The following RTEL1 variants were observed in gnomAD, a reference collection of about 807,000 sequenced individuals.
The protein encoded by RTEL1 is regulator of telomere elongation helicase 1.
RTEL1 carries 86 observed loss-of-function variants against 162.2 expected under a neutral mutation model. The observed-to-expected ratio is 0.53, with a 90% CI of 0.45 to 0.63. The LOEUF is 0.63. Among genes scored for constraint, RTEL1 ranks in the 30% least tolerant of loss-of-function variants. The pLI is 0.00. For synonymous variants in RTEL1, 958 were observed against 717.9 expected (o/e 1.33, Z -5.35); for missense variants, 1,941 against 1,750.2 (o/e 1.11, Z -1.95).
At position 63,693,124 on chromosome 20, in the gene RTEL1, G is replaced by A. The variant is rs367559336; in HGVS notation, c.2852-19G>A. ...AGAGAAAAAGGGGCAGATGGGGACA[G>A]ACGCCCCTTCCTCTACAGGCTTCTA... On this transcript the variant is annotated intron_variant, in intron 29 of 34. Transcript: ENST00000360203. The A allele has an allele frequency of 1.7e-5, 27 of 1,612,130 alleles. No individual in the cohort carries two copies. Among genetic ancestry groups the A allele is most frequent in the African/African-American group, 8.0e-5 (6 of 74,882 alleles).
At chr20:63,665,895 G>T (rs1467329785) in intron 6 of RTEL1, 109 bp from the exon 7 acceptor site, 2 of 973,624 alleles carry the variant, frequency 2.1e-6, no homozygotes, top group Non-Finnish European at 3.1e-6. Flanking sequence ...GGTGGGGGAC[G>T]CCCAGCCCTG....
At chr20:63,693,624 ACCACCT>A (rs2090870226) in intron 30 of RTEL1, among the ~76,000 whole-genome samples, 27 of 22,338 alleles carry the variant, frequency 1.2e-3, no homozygotes, top group East Asian at 0.012. Flanking sequence ...CACCTCCACC[ACCACCT>A]CCACCACCAC....
At chr20:63,681,183 T>C (rs2146221888) in intron 14 of RTEL1, 1 of 985,434 alleles carries the variant, frequency 1.0e-6, no homozygotes, top group Non-Finnish European at 1.2e-6. Flanking sequence ...GGTGCGACCC[T>C]GGCCCCCTTC....
At chr20:63,681,925 T>C (rs1401882265) in intron 14 of RTEL1, 1 of 985,306 alleles carries the variant, frequency 1.0e-6, no homozygotes, top group Non-Finnish European at 1.2e-6. Flanking sequence ...GCTGCTGTGC[T>C]GTCCCGCATG....
Position 63,694,917 on chromosome 20 carries a change from C to A in RTEL1, c.3286C>A (p.Leu1096Met). The change falls in exon 32 of 35, where the codon CTG (leucine) becomes ATG (methionine). Residue 1096 changes from leucine to methionine, a missense_variant. Leu to Met is a conservative substitution (Grantham distance 15). Transcript: ENST00000360203. ...YKQDDDLDKVLAVLAALTTAK... is the reference protein window; with the variant it reads ...YKQDDDLDKVMAVLAALTTAK... ...GCAAGACGACGACCTCGACAAGGTG[C>A]TGGCTGTGTTGGCCGCCCTGACCAC... 1 of 1,612,640 alleles carries A rather than the reference C, an allele frequency of 6.2e-7. No individual in the cohort carries two copies. Among genetic ancestry groups the A allele is most frequent in the South Asian group, 1.1e-5 (1 of 91,088 alleles).
intron 16 of RTEL1, chr20:63,686,114 GGCAGAGCC>G: frequency 1.7e-6 from 1 of 575,424 alleles, no homozygotes; most frequent in African/African-American, 1.9e-5. Context: ...GGTTGGTGGT[GGCAGAGCC>G]ACAGCCCAGC....
intron 30 of RTEL1, among the ~76,000 whole-genome samples, 167 bp downstream of exon 30, chr20:63,693,450 A>ACCACCTCCACCACCTCCACCACCACCT (rs2090828169): frequency 1.2e-5 from 1 of 81,436 alleles, no homozygotes; most frequent in Admixed American, 1.3e-4. Context: ...CACCAGCAGC[A>ACCACCTCCACCACCTCCACCACCACCT]CCACCTCCAC....
rs1568719598 is a variant in RTEL1, at chr20:63,693,429, TCCACCACCAGCACCAGCAGCA to T, written c.2992+152_2992+172del. ...TATGGGAGTGATGGGGGCCTCCACC[TCCACCACCAGCACCAGCAGCA>T]CCACCTCCACCTCCACCTCCACCTC... is the stretch of plus-strand genomic sequence containing the variant. On this transcript the variant is annotated intron_variant, in intron 30 of 34. Transcript: ENST00000360203. 1.9e-5 allele frequency: 17 copies of T among 883,698 alleles called. No homozygotes were observed. The African/African-American group carries it at 2.1e-4, about 11-fold the overall frequency. The allele number at this position is 883,698 out of a possible 1,614,324, so 54.7% of individuals were successfully genotyped here. A position where few individuals can be genotyped will look rare whatever the true frequency, so the allele number is the denominator to read the frequency against.
At chr20:63,679,417 T>C (rs1164948563) in intron 12 of RTEL1, among the ~76,000 whole-genome samples, 1 of 152,134 alleles carries the variant, frequency 6.6e-6, no homozygotes, top group Non-Finnish European at 1.5e-5. Flanking sequence ...TTGGGGACTC[T>C]GCCCAGAGCC....
intron 10 of RTEL1, among the ~76,000 whole-genome samples, chr20:63,677,227 G>A (rs554272662): frequency 6.6e-5 from 10 of 152,210 alleles, no homozygotes; most frequent in African/African-American, 1.9e-4. Flanking sequence ...ATGCGGCAGC[G>A]GGTTGGTCAT....
At chr20:63,683,586 C>T (rs2090523509) in intron 14 of RTEL1, among the ~76,000 whole-genome samples, 1 of 152,220 alleles carries the variant, frequency 6.6e-6, no homozygotes. Flanking sequence ...GTGTCTGCCC[C>T]CCGGTGTTCT....
intron 12 of RTEL1, 130 bp from the exon 13 acceptor site, chr20:63,679,716 TTTC>T: frequency 2.8e-6 from 2 of 723,396 alleles, no homozygotes; most frequent in South Asian, 3.0e-5. Flanking sequence ...TCGAGCCTGT[TTTC>T]TTCTCGGCAG....
chr20:63,674,221 G>C (rs145127126), intron 10 of RTEL1, 128 bp downstream of exon 10: 1 of 1,446,210 alleles, frequency 6.9e-7, no homozygotes, highest in Admixed American at 2.7e-5. Flanking sequence ...CCTGAGGCCC[G>C]TGCTACTGCA....
intron 9 of RTEL1, among the ~76,000 whole-genome samples, chr20:63,673,590 C>T (rs2090288802): frequency 6.6e-6 from 1 of 151,974 alleles, no homozygotes; most frequent in Non-Finnish European, 1.5e-5. Flanking sequence ...AGGTGCACAC[C>T]ACCACGCCCG....
intron 26 of RTEL1, 80 bp downstream of exon 26, chr20:63,690,521 G>A: frequency 7.0e-7 from 1 of 1,435,764 alleles, no homozygotes; most frequent in Non-Finnish European, 9.2e-7. Context: ...AGGCGCCCAG[G>A]GCGGAGGCGA....
chr20:63,694,530 G>A (rs2090919219), intron 31 of RTEL1, 42 bp downstream of exon 31: 3 of 1,477,532 alleles, frequency 2.0e-6, no homozygotes, highest in South Asian at 1.2e-5. Context: ...GACTTGGTGG[G>A]TCCCTCAGTG....
chr20:63,688,269 C>T (rs747302157), intron 19 of RTEL1, 32 bp from the exon 20 acceptor site: 4 of 1,610,118 alleles, frequency 2.5e-6, no homozygotes, highest in South Asian at 2.2e-5. Flanking sequence ...GACATCCTGC[C>T]CCTGCCTTGA....
intron 22 of RTEL1, 47 bp from the exon 23 acceptor site, chr20:63,689,455 G>T (rs916143854): frequency 6.8e-7 from 1 of 1,480,058 alleles, no homozygotes; most frequent in East Asian, 2.4e-5. Context: ...GGGCACCAGG[G>T]AGAGGAGCCC....
chr20:63,661,214 G>T lies in RTEL1; in HGVS notation c.103-84G>T. ...TGCATCTGCAAAGAGCTGCCCGCTGGCTGCCGAAGCTTGTCTCAGGGCAGC... is the reference window on the plus strand; with the variant it reads ...TGCATCTGCAAAGAGCTGCCCGCTGTCTGCCGAAGCTTGTCTCAGGGCAGC... On this transcript the variant is annotated intron_variant, in intron 2 of 34. Transcript: ENST00000360203. This position sits in a 1 kb window ranked among gnomAD's most constrained non-coding sequence, Gnocchi z 5.1. 1 of 1,308,910 alleles carries T rather than the reference G, an allele frequency of 7.6e-7. No individual in the cohort carries two copies. Among genetic ancestry groups the T allele is most frequent in the Admixed American group, 1.9e-5 (1 of 51,536 alleles). 81.1% of individuals were successfully genotyped at this position (1,308,910 alleles called of 1,614,324 possible). A position where few individuals can be genotyped will look rare whatever the true frequency, so the allele number is the denominator to read the frequency against.
Sources: allele counts gnomAD v4.1 joint callset (sites outside exome capture counted in the v4.1 genomes callset), GRCh38; gene constraint gnomAD v4.1.1; non-coding constraint Gnocchi (gnomAD v3.1); transcripts MANE v1.5; gene names NCBI Gene and HGNC (gene_info 2026-07-23, HGNC 2026-07-21).